CNKSR3: variants seen among roughly 807,000 people sequenced by gnomAD.
CNKSR3 encodes CNKSR family member 3.
In CNKSR3, 36 loss-of-function variants were observed where a neutral mutation model predicts 67.7. The observed-to-expected ratio is 0.53, with a 90% CI of 0.41 to 0.70. The LOEUF (loss-of-function observed/expected upper bound fraction) is 0.70, where lower values mean the gene tolerates loss of function less well. Ranked by LOEUF, CNKSR3 falls within the 30% of genes least tolerant of loss-of-function variation. The probability of loss-of-function intolerance (pLI) is 0.00; values close to 1 mark genes in which losing one functional copy is unlikely to be tolerated. For missense variants in CNKSR3, 630 were observed against 695.2 expected, an observed-to-expected ratio of 0.91 and a Z score of 1.05; for synonymous variants, 281 against 271.4, an observed-to-expected ratio of 1.04 and a Z score of -0.35.
At chr6:154,481,110 G>A (rs1786558232) in intron 1 of CNKSR3, among the ~76,000 whole-genome samples, 1 of 150,546 alleles carries the variant, frequency 6.6e-6, no homozygotes, top group African/African-American at 2.4e-5. Context: ...TTTTGCTTAT[G>A]TATTTGCTTA....
At chr6:154,441,885 G>A (rs1785597668) in intron 3 of CNKSR3, among the ~76,000 whole-genome samples, 2 of 152,140 alleles carry the variant, frequency 1.3e-5, no homozygotes, top group African/African-American at 4.8e-5. Context: ...TCTAAGCTGA[G>A]GTTAATTTGT....
chr6:154,411,854 A>G (rs1182396583), intron 10 of CNKSR3, among the ~76,000 whole-genome samples: 1 of 152,172 alleles, frequency 6.6e-6, no homozygotes, highest in Admixed American at 6.5e-5. Context: ...GACTTGATAT[A>G]TTATGAAGTT....
At position 154,465,311 on chromosome 6, in the gene CNKSR3, A is replaced by G. The variant is rs1786174153; in HGVS notation, c.53-15053T>C. Among the ~76,000 whole-genome samples the G allele has an allele frequency of 2.0e-5, 3 of 150,116 alleles. No individual in the cohort carries two copies. The South Asian group carries it at 6.3e-4, about 32-fold the overall frequency. The stretch of plus-strand genomic sequence containing the variant: ...AATATTATGGTTAAGAAGAACTCAA[A>G]TTTCCTCTAATATTCAAAAGAATCT... On this transcript the variant is annotated intron_variant, in intron 1 of 12. Coordinates refer to ENST00000607772, the MANE Select transcript of CNKSR3 (RefSeq NM_173515.4).
chr6:154,434,421 T>A (rs1785429609), intron 4 of CNKSR3, among the ~76,000 whole-genome samples: 1 of 152,232 alleles, frequency 6.6e-6, no homozygotes, highest in Admixed American at 6.5e-5. Flanking sequence ...TAATTTCTTT[T>A]ATGTACATGA....
At chr6:154,413,624 AC>A (rs1417444471) in intron 10 of CNKSR3, among the ~76,000 whole-genome samples, 1 of 151,956 alleles carries the variant, frequency 6.6e-6, no homozygotes, top group Non-Finnish European at 1.5e-5. Flanking sequence ...CTTATTATCT[AC>A]CCCCTCAAGA....
chr6:154,454,453 A>C (rs1266457277), intron 1 of CNKSR3, among the ~76,000 whole-genome samples: 1 of 152,158 alleles, frequency 6.6e-6, no homozygotes, highest in Non-Finnish European at 1.5e-5. Context: ...TTGGGAGGCC[A>C]AGGCAAAAGG....
chr6:154,406,286 A>T lies in CNKSR3; in HGVS notation c.*68T>A. On this transcript the variant is annotated 3_prime_UTR_variant, in exon 13 of 13. Transcript: ENST00000607772. ...ATAATACTGAGGCTGAAACGAGAAG[A>T]GGCTGTCCACTGTAAAAGCAAGGCA... is the stretch of plus-strand genomic sequence containing the variant. The T allele has an allele frequency of 1.4e-6, 2 of 1,425,826 alleles. No individual in the cohort carries two copies. The highest frequency in any genetic ancestry group is 2.6e-5 in the South Asian group (2 of 76,614). 88.3% of individuals were successfully genotyped at this position (1,425,826 alleles called of 1,614,324 possible). A position where few individuals can be genotyped will look rare whatever the true frequency, so the allele number is the denominator to read the frequency against.
chr6:154,477,610 G>A (rs1000809702), intron 1 of CNKSR3, among the ~76,000 whole-genome samples: 11 of 152,114 alleles, frequency 7.2e-5, no homozygotes, highest in East Asian at 5.8e-4. Flanking sequence ...AGTGAGCCAC[G>A]GTGTCTGGCT....
At chr6:154,506,986 G>C (rs111737355) in intron 1 of CNKSR3, among the ~76,000 whole-genome samples, 2,223 of 152,326 alleles carry the variant, frequency 0.015, 22 homozygotes, top group Middle Eastern at 0.024. Context: ...AAATGGAGTG[G>C]AGTGAAGCCA....
At chr6:154,426,346 TTTTA>T (rs71558207) in intron 7 of CNKSR3, among the ~76,000 whole-genome samples, 61 of 147,976 alleles carry the variant, frequency 4.1e-4, no homozygotes, top group Non-Finnish European at 6.7e-4. Flanking sequence ...CATTGAACTC[TTTTA>T]TTTATTTATT....
chr6:154,499,614 T>C (rs573374826), intron 1 of CNKSR3, among the ~76,000 whole-genome samples: 1 of 152,156 alleles, frequency 6.6e-6, no homozygotes, highest in Non-Finnish European at 1.5e-5. Context: ...ACGGTGCCAA[T>C]CTCTACCGGG....
At chr6:154,496,534 G>T (rs554347730) in intron 1 of CNKSR3, among the ~76,000 whole-genome samples, 1 of 152,304 alleles carries the variant, frequency 6.6e-6, no homozygotes, top group East Asian at 1.9e-4. Context: ...ATCCTCTATA[G>T]ATAACCAATG....
chr6:154,510,563 C>T lies in CNKSR3; in HGVS notation c.-449G>A, dbSNP rs1204048852. The stretch of plus-strand genomic sequence containing the variant: ...CCCCGCTCCGCGTGCGCTGGCGTCC[C>T]GGAGCCTTCCCGGCGCAGGTCCCAC... On this transcript the variant is annotated 5_prime_UTR_variant, in exon 1 of 13. Coordinates refer to ENST00000607772, the MANE Select transcript of CNKSR3 (RefSeq NM_173515.4). The T allele has an allele frequency of 5.4e-6, 1 of 184,436 alleles. No individual in the cohort carries two copies. The highest frequency in any genetic ancestry group is 2.4e-5 in the African/African-American group (1 of 41,794). 11.4% of individuals were successfully genotyped at this position (184,436 alleles called of 1,614,324 possible).
intron 1 of CNKSR3, among the ~76,000 whole-genome samples, chr6:154,456,083 G>A (rs893536230): frequency 6.6e-6 from 1 of 152,094 alleles, no homozygotes; most frequent in African/African-American, 2.4e-5. Context: ...ATCAGATGAT[G>A]AACTAGGTCC....
intron 4 of CNKSR3, among the ~76,000 whole-genome samples, chr6:154,438,068 T>G (rs1331944250): frequency 3.4e-4 from 51 of 152,238 alleles, no homozygotes; most frequent in Non-Finnish European, 1.5e-5. Flanking sequence ...AGTTCTGGTA[T>G]TACAGGCATG....
At chr6:154,417,267 G>T (rs761714101) in intron 9 of CNKSR3, among the ~76,000 whole-genome samples, 2 of 152,184 alleles carry the variant, frequency 1.3e-5, no homozygotes, top group Admixed American at 6.5e-5. Flanking sequence ...TTAAAGAGAA[G>T]AGCATGGCTT....
In CNKSR3 at chr6:154,405,996, C is replaced by A. The variant is rs529857436; in HGVS notation, c.*358G>T. On this transcript the variant is annotated 3_prime_UTR_variant, in exon 13 of 13. Coordinates refer to ENST00000607772, the MANE Select transcript of CNKSR3 (RefSeq NM_173515.4). Reference sequence around the variant, plus strand: ...TGTGAAAACAGCCACCAATTTGAGTCCCCCCAGCCCCTCAAAAAGGAACAA... The same window carrying A: ...TGTGAAAACAGCCACCAATTTGAGTACCCCCAGCCCCTCAAAAAGGAACAA... 1.3e-4 allele frequency: 25 copies of A among 188,718 alleles called. No individual in the cohort carries two copies. Among genetic ancestry groups the A allele is most frequent in the African/African-American group, 4.9e-4 (21 of 42,862 alleles). The allele number at this position is 188,718 out of a possible 1,614,324, so 11.7% of individuals were successfully genotyped here.
Position 154,406,512 on chromosome 6 carries a change from T to G in CNKSR3, c.1510A>C (p.Arg504=). Residue 504 remains arginine, a synonymous_variant, in exon 13 of 13, where the codon AGG becomes CGG. Coordinates refer to ENST00000607772, the MANE Select transcript of CNKSR3 (RefSeq NM_173515.4). ...VRGADYIRGS[R]CYINSDLHSS... is the part of the protein sequence containing the mutation. Reference sequence around the variant, plus strand: ...TGGAGATCTGAGTTGATGTAGCACCTGCTTCCTCGGATGTAGTCCGCACCC... The same window carrying G: ...TGGAGATCTGAGTTGATGTAGCACCGGCTTCCTCGGATGTAGTCCGCACCC... The G allele has an allele frequency of 1.2e-6, 2 of 1,614,078 alleles. No individual in the cohort carries two copies. The highest frequency in any genetic ancestry group is 2.2e-5 in the South Asian group (2 of 91,076).
intron 1 of CNKSR3, among the ~76,000 whole-genome samples, chr6:154,473,525 T>C (rs1786375436): frequency 2.0e-5 from 3 of 152,080 alleles, no homozygotes; most frequent in Non-Finnish European, 4.4e-5. Flanking sequence ...GCCACGATGC[T>C]GGGGGAGAAT....
Sources: allele counts gnomAD v4.1 joint callset (sites outside exome capture counted in the v4.1 genomes callset), GRCh38; gene constraint gnomAD v4.1.1; transcripts MANE v1.5; gene names NCBI Gene and HGNC (gene_info 2026-07-23, HGNC 2026-07-21).